Variants in LHX4 observed in about 807,000 individuals in gnomAD.
The protein encoded by LHX4 is LIM homeobox 4, also known as LIM/homeobox protein Lhx4.
Under a neutral mutation model 39.2 loss-of-function variants are expected in LHX4, and 16 were observed. That is an observed-to-expected ratio of 0.41 (90% CI 0.28 to 0.62). The LOEUF is 0.62. Among genes scored for constraint, LHX4 ranks in the 20% least tolerant of loss-of-function variants. The pLI is 0.33. For synonymous variants in LHX4, 206 were observed against 198.1 expected (o/e 1.04, Z -0.33); for missense variants, 439 against 511.9 (o/e 0.86, Z 1.37).
rs1394067774 is a variant in LHX4 at position 180,274,460 on chromosome 1, C to T, written c.1054C>T (p.Leu352=). 1.2e-6 allele frequency: 2 copies of T among 1,614,192 alleles called. No individual in the cohort carries two copies. The highest frequency in any genetic ancestry group is 1.6e-4 in the Middle Eastern group (1 of 6,062). Residue 352 remains leucine, a synonymous_variant, in exon 6 of 6, where the codon CTG becomes TTG. Transcript: ENST00000263726. The part of the protein sequence containing the change: ...AHAGQGVSQT[L]RAMAGGPTSD... ...TGCAGGGCAGGGAGTAAGCCAGACG[C>T]TGAGAGCCATGGCTGGGGGACCCAC...
At chr1:180,242,929 A>C (rs188430472) in intron 1 of LHX4, among the ~76,000 whole-genome samples, 237 of 152,364 alleles carry the variant, frequency 1.6e-3, no homozygotes, top group Admixed American at 2.4e-3. Flanking sequence ...TAAATACTGC[A>C]TGAAATACAT....
chr1:180,262,681 G>GAAAAA (rs56740419), intron 2 of LHX4, among the ~76,000 whole-genome samples: 1 of 110,930 alleles, frequency 9.0e-6, no homozygotes, highest in African/African-American at 3.2e-5. Flanking sequence ...TACCAAACTT[G>GAAAAA]AAAAAAAAAA....
At chr1:180,257,446 G>A (rs151327159) in intron 2 of LHX4, among the ~76,000 whole-genome samples, 9 of 152,318 alleles carry the variant, frequency 5.9e-5, no homozygotes, top group Middle Eastern at 3.4e-3. Flanking sequence ...CCCAGCCCCC[G>A]AGGCTCTAAG....
At chr1:180,260,733 TCATGCAGGGGGCTCAGAGCCA>T (rs1375288176) in intron 2 of LHX4, among the ~76,000 whole-genome samples, 1 of 151,728 alleles carries the variant, frequency 6.6e-6, no homozygotes, top group African/African-American at 2.4e-5. Context: ...GCTGGGAGCC[TCATGCAGGGGGCTCAGAGCCA>T]CATGAGGGGG....
At chr1:180,239,220 C>CTA (rs1558209247) in intron 1 of LHX4, among the ~76,000 whole-genome samples, 3 of 152,140 alleles carry the variant, frequency 2.0e-5, no homozygotes, top group Non-Finnish European at 2.9e-5. Flanking sequence ...AGTTATTCCC[C>CTA]GACTAAATCA....
At chr1:180,271,771 G>A in intron 4 of LHX4, 64 bp from the exon 5 acceptor site, 2 of 1,582,548 alleles carry the variant, frequency 1.3e-6, no homozygotes, top group African/African-American at 1.3e-5. Context: ...CGCCTAGGGG[G>A]TCCTGGGGGC....
upstream of LHX4, among the ~76,000 whole-genome samples, chr1:180,230,040 C>T (rs1057206317): frequency 1.3e-4 from 20 of 151,012 alleles, no homozygotes; most frequent in Admixed American, 3.3e-4. The surrounding 1 kb of genome is among the most constrained non-coding windows in gnomAD (Gnocchi z 5.8). Context: ...GCCGGCCTCA[C>T]TCGGGGCGCC....
Position 180,230,447 on chromosome 1 carries a change from A to T in LHX4, c.-83A>T. 8.2e-7 allele frequency: 1 copy of T among 1,221,298 alleles called. No individual in the cohort carries two copies. Among genetic ancestry groups the T allele is most frequent in the Non-Finnish European group, 1.2e-6 (1 of 841,180 alleles). The allele number at this position is 1,221,298 out of a possible 1,614,324, so 75.7% of individuals were successfully genotyped here. On this transcript the variant is annotated 5_prime_UTR_variant, in exon 1 of 6. Coordinates refer to ENST00000263726, the MANE Select transcript of LHX4 (RefSeq NM_033343.4). This position sits in a 1 kb window ranked among gnomAD's most constrained non-coding sequence, Gnocchi z 5.8. Reference sequence around the variant, plus strand: ...CAGCGGCCTGCTTGGGGTTTTAATTATTATTTTGAAATTTCTGAATCGAGC... The same window carrying T: ...CAGCGGCCTGCTTGGGGTTTTAATTTTTATTTTGAAATTTCTGAATCGAGC...
At chr1:180,270,972 G>A (rs916397571) in intron 3 of LHX4, 4 of 308,764 alleles carry the variant, frequency 1.3e-5, no homozygotes, top group South Asian at 2.8e-5. Context: ...GAGGGCATCT[G>A]GGGCGACTTT....
chr1:180,266,413 G>T lies in LHX4; in HGVS notation c.270G>T (p.Thr90=), dbSNP rs767622575. The change falls in exon 3 of 6, where the codon ACG becomes ACT. Residue 90 remains threonine (T), a synonymous_variant. Transcript: ENST00000263726. The surrounding 1 kb of genome is among the most constrained non-coding windows in gnomAD (Gnocchi z 5.7). ...ACAGGCGCTTCGGCACAAAATGCACGGCCTGCCAGCAGGGTATCCCCCCAA... is the reference window on the plus strand; with the variant it reads ...ACAGGCGCTTCGGCACAAAATGCACTGCCTGCCAGCAGGGTATCCCCCCAA... ...DFFKRFGTKC[T]ACQQGIPPTQ... The T allele has an allele frequency of 6.2e-7, 1 of 1,614,160 alleles. No homozygotes were observed.
At chr1:180,254,627 C>T (rs925199025) in intron 2 of LHX4, among the ~76,000 whole-genome samples, 8 of 152,220 alleles carry the variant, frequency 5.3e-5, no homozygotes, top group African/African-American at 2.4e-5. Context: ...CAGCTGCCCA[C>T]AGGACATTGG....
rs1387699316 is a variant in LHX4, at chr1:180,274,566, ATCC to A, written c.1165_1167del (p.Pro389del). 1.3e-6 allele frequency: 2 copies of A among 1,579,494 alleles called. No homozygotes were observed. The highest frequency in any genetic ancestry group is 1.7e-6 in the Non-Finnish European group (2 of 1,162,796). On this transcript the variant is annotated inframe_deletion, in exon 6 of 6. Coordinates refer to ENST00000263726, the MANE Select transcript of LHX4 (RefSeq NM_033343.4). ...GGCTCTTGGCTCGATGAAATGGATC[ATCC>A]TCCTTTTTAAACTTCTCTCCTCCCC... is the stretch of plus-strand genomic sequence containing the variant.
chr1:180,236,921 G>A (rs1050677942), intron 1 of LHX4, among the ~76,000 whole-genome samples: 2 of 152,222 alleles, frequency 1.3e-5, no homozygotes, highest in African/African-American at 2.4e-5. Context: ...ATTTGGAGAG[G>A]GCTGGCTGGG....
intron 2 of LHX4, among the ~76,000 whole-genome samples, chr1:180,261,668 C>A (rs892219031): frequency 2.0e-5 from 3 of 152,138 alleles, no homozygotes; most frequent in Admixed American, 6.5e-5. Context: ...CTTAAAACTG[C>A]TTCTCTGCTC....
At chr1:180,255,607 T>C (rs1017887483) in intron 2 of LHX4, among the ~76,000 whole-genome samples, 2 of 152,206 alleles carry the variant, frequency 1.3e-5, no homozygotes, top group Non-Finnish European at 2.9e-5. Context: ...AACACACTGG[T>C]GGGACCAGGC....
chr1:180,230,239 CG>C, upstream of LHX4: 1 of 461,426 alleles, frequency 2.2e-6, no homozygotes. The surrounding 1 kb of genome is among the most constrained non-coding windows in gnomAD (Gnocchi z 5.8). Flanking sequence ...AAGGAGCGGG[CG>C]GGGGAGGGAA....
At chr1:180,254,616 G>A (rs531611379) in intron 2 of LHX4, among the ~76,000 whole-genome samples, 3 of 152,352 alleles carry the variant, frequency 2.0e-5, no homozygotes, top group Admixed American at 2.0e-4. Flanking sequence ...CTTGCAGGGG[G>A]CAGCTGCCCA....
At chr1:180,272,269 CCTG>C (rs1209426657) in intron 5 of LHX4, among the ~76,000 whole-genome samples, 6 of 152,266 alleles carry the variant, frequency 3.9e-5, no homozygotes, top group Middle Eastern at 3.4e-3. Context: ...CCCCTCCCCT[CCTG>C]CTGACTGGGG....
At chr1:180,240,023 G>C (rs1664412273) in intron 1 of LHX4, among the ~76,000 whole-genome samples, 1 of 152,172 alleles carries the variant, frequency 6.6e-6, no homozygotes, top group Admixed American at 6.5e-5. Context: ...CTGAGCATTA[G>C]GCTGTCAAGT....
Sources: allele counts gnomAD v4.1 joint callset (sites outside exome capture counted in the v4.1 genomes callset), GRCh38; gene constraint gnomAD v4.1.1; non-coding constraint Gnocchi (gnomAD v3.1); transcripts MANE v1.5; gene names NCBI Gene and HGNC (gene_info 2026-07-23, HGNC 2026-07-21).